Variants in RADIL observed in about 807,000 individuals in gnomAD.
RADIL encodes the protein ras-associating and dilute domain-containing protein.
A neutral mutation model predicts 97.6 loss-of-function variants in RADIL; 99 were observed. The observed-to-expected ratio is 1.01, with a 90% CI of 0.86 to 1.20. The LOEUF is 1.20. Among genes scored for constraint, RADIL ranks in the 50% most tolerant of loss-of-function variants. The probability of loss-of-function intolerance (pLI) is 0.00; values close to 1 mark genes in which losing one functional copy is unlikely to be tolerated. For synonymous variants in RADIL, 803 were observed against 691.8 expected, an observed-to-expected ratio of 1.16 and a Z score of -2.52; for missense variants, 1,765 against 1,498.9, an observed-to-expected ratio of 1.18 and a Z score of -2.93.
intron 8 of RADIL, 107 bp downstream of exon 8, chr7:4,816,121 G>T: frequency 2.9e-6 from 3 of 1,047,468 alleles, no homozygotes; most frequent in Non-Finnish European, 4.3e-6. Context: ...GGAGCAGGAG[G>T]CCAAAAAGGG....
chr7:4,872,958 G>C lies in RADIL; in HGVS notation c.535+4647C>G, dbSNP rs2115047356. ...CAATGTGACTCTGTTTTTCTTTTGAGTCAGAGTCTCGCTCTGTCACCCAGG... is the reference window on the plus strand; with the variant it reads ...CAATGTGACTCTGTTTTTCTTTTGACTCAGAGTCTCGCTCTGTCACCCAGG... On this transcript the variant is annotated intron_variant, in intron 2 of 14. Transcript: ENST00000399583. This position sits in a 1 kb window ranked among gnomAD's most constrained non-coding sequence, Gnocchi z 5.8. Among the ~76,000 whole-genome samples the C allele has an allele frequency of 6.6e-6, 1 of 152,260 alleles. No homozygotes were observed. The highest frequency in any genetic ancestry group is 2.1e-4 in the South Asian group (1 of 4,826).
chr7:4,805,728 G>T lies in RADIL; in HGVS notation c.2140-12C>A. On this transcript the variant is annotated splice_polypyrimidine_tract_variant and intron_variant, in intron 9 of 14. Coordinates refer to ENST00000399583, the MANE Select transcript of RADIL (RefSeq NM_018059.5). ...GCTGTCCAGCTCATCTGGGTGACAA[G>T]AAGGAGCTCATGGTCACAGGTCTCT... 6.2e-7 allele frequency: 1 copy of T among 1,602,460 alleles called. No individual in the cohort carries two copies.
In RADIL at chr7:4,810,445, G is replaced by A. The variant is rs140963805; in HGVS notation, c.2140-4729C>T. 4.9e-4 allele frequency among the ~76,000 whole-genome samples: 75 copies of A among 152,292 alleles called. No individual in the cohort carries two copies. The East Asian group carries it at 8.7e-3, about 18-fold the overall frequency. On this transcript the variant is annotated intron_variant, in intron 9 of 14. Transcript: ENST00000399583. Reference sequence around the variant, plus strand: ...CGGCCTCCCAAAGTGCCCAGCCGACGGTTCAGGTGTGTCCGTGTCTCCCAG... The same window carrying A: ...CGGCCTCCCAAAGTGCCCAGCCGACAGTTCAGGTGTGTCCGTGTCTCCCAG...
Position 4,815,144 on chromosome 7 carries a change from A to T in RADIL, c.2139+134T>A, listed in dbSNP as rs995064708. The T allele has an allele frequency of 2.3e-5, 26 of 1,144,974 alleles. No homozygotes were observed. The highest frequency in any genetic ancestry group is 2.1e-5 in the Non-Finnish European group (18 of 838,206). The allele number at this position is 1,144,974 out of a possible 1,614,324, so 70.9% of individuals were successfully genotyped here. On this transcript the variant is annotated intron_variant, in intron 9 of 14. Coordinates refer to ENST00000399583, the MANE Select transcript of RADIL (RefSeq NM_018059.5). The surrounding 1 kb of genome is among the most constrained non-coding windows in gnomAD (Gnocchi z 8.0). ...CCATGGAATGGAAGCAACTTTTCTG[A>T]TTACCTACGGTAGCTTTGAGGTTTC...
rs779044636 is a variant in RADIL at position 4,835,063 on chromosome 7, G to T, written c.960C>A (p.Ile320=). Residue 320 remains isoleucine (I), a synonymous_variant, in exon 4 of 15, where the codon ATC becomes ATA. Coordinates refer to ENST00000399583, the MANE Select transcript of RADIL (RefSeq NM_018059.5). The surrounding 1 kb of genome is among the most constrained non-coding windows in gnomAD (Gnocchi z 5.8). ...AGTTGACGGAGATGTGCGCCCCGGG[G>T]ATGGGCTCCAGGACCAGCCTCCCCG... ...QAAGRLVLEP[I]PGAHISVNFS... The T allele has an allele frequency of 6.2e-7, 1 of 1,608,168 alleles. No individual in the cohort carries two copies. The highest frequency in any genetic ancestry group is 8.5e-7 in the Non-Finnish European group (1 of 1,177,874).
chr7:4,845,547 T>C (rs1304820103), intron 2 of RADIL, among the ~76,000 whole-genome samples: 2 of 152,230 alleles, frequency 1.3e-5, no homozygotes, highest in African/African-American at 2.4e-5. Flanking sequence ...ACCAAAGCGT[T>C]GAAAATGATT....
intron 2 of RADIL, among the ~76,000 whole-genome samples, chr7:4,841,903 A>G (rs2115010441): frequency 6.6e-6 from 1 of 152,226 alleles, no homozygotes; most frequent in East Asian, 1.9e-4. Flanking sequence ...AAAAAATACA[A>G]AAATTAGCTG....
rs765900345 is a variant in RADIL at position 4,835,166 on chromosome 7, A to G, written c.857T>C (p.Ile286Thr). The G allele has an allele frequency of 3.7e-6, 6 of 1,611,760 alleles. No individual in the cohort carries two copies. Among genetic ancestry groups the G allele is most frequent in the Non-Finnish European group, 5.1e-6 (6 of 1,179,532 alleles). Residue 286 changes from isoleucine to threonine, a missense_variant, in exon 4 of 15, where the codon ATC becomes ACC. Physicochemically the swap from Ile to Thr is moderately conservative, Grantham distance 89. Transcript: ENST00000399583. This position sits in a 1 kb window ranked among gnomAD's most constrained non-coding sequence, Gnocchi z 5.8. ...GQRTPSSKPS[I>T]SLSAPDILPL... is the part of the protein sequence containing the mutation. ...CAGGATGTCGGGGGCTGAGAGGCTGATGCTGGGCTTGCTGGAGGGGGTCCG... is the reference window on the plus strand; with the variant it reads ...CAGGATGTCGGGGGCTGAGAGGCTGGTGCTGGGCTTGCTGGAGGGGGTCCG...
rs11319065 is a variant in RADIL at position 4,842,055 on chromosome 7, CAAAAA to C, written c.536-5455_536-5451del. 6.9e-6 allele frequency among the ~76,000 whole-genome samples: 1 copy of C among 145,016 alleles called. No individual in the cohort carries two copies. The highest frequency in any genetic ancestry group is 1.5e-5 in the Non-Finnish European group (1 of 65,850). On this transcript the variant is annotated intron_variant, in intron 2 of 14. Coordinates refer to ENST00000399583, the MANE Select transcript of RADIL (RefSeq NM_018059.5). This position sits in a 1 kb window ranked among gnomAD's most constrained non-coding sequence, Gnocchi z 4.5. ...GGGCAACAGAGCAAGACCCTGTCTC[CAAAAA>C]AAAAAAAAGATGCAACAAGGCCAGA...
intron 11 of RADIL, 51 bp from the exon 12 acceptor site, chr7:4,802,046 C>A (rs979858955): frequency 2.1e-6 from 3 of 1,410,612 alleles, no homozygotes; most frequent in Non-Finnish European, 2.8e-6. Flanking sequence ...CAGGTGGACA[C>A]AGCACTCGGG....
At chr7:4,858,823 G>A (rs1783899378) in intron 2 of RADIL, 1 of 152,234 alleles carries the variant, frequency 6.6e-6, no homozygotes, top group African/African-American at 2.4e-5. Context: ...ATGGTTTAGA[G>A]AATATTATTC....
Position 4,801,694 on chromosome 7 carries a change from T to C in RADIL, c.2801A>G (p.Gln934Arg), listed in dbSNP as rs760959591. The change falls in exon 12 of 15, where the codon CAG becomes CGG. Residue 934 changes from glutamine (Q) to arginine (R), a missense_variant. Physicochemically the swap from Gln to Arg is conservative, Grantham distance 43 (BLOSUM62 1). Transcript: ENST00000399583. ...CCGGAGGCCGCTGAGTCCGTTCCTCTGCCTCTCTGGGAGCGCTTTTCCACA... is the reference window on the plus strand; with the variant it reads ...CCGGAGGCCGCTGAGTCCGTTCCTCCGCCTCTCTGGGAGCGCTTTTCCACA... ...GPCGKALPERQRNGLSGLRGA... is the reference protein window; with the variant it reads ...GPCGKALPERRRNGLSGLRGA... The C allele has an allele frequency of 1.9e-6, 3 of 1,609,104 alleles. No individual in the cohort carries two copies. The highest frequency in any genetic ancestry group is 1.1e-5 in the South Asian group (1 of 90,444).
At position 4,880,487 on chromosome 7, in the gene RADIL, C is replaced by T. The variant is rs1464436397; in HGVS notation, c.-64-2284G>A. On this transcript the variant is annotated intron_variant, in intron 1 of 14. Coordinates refer to ENST00000399583, the MANE Select transcript of RADIL (RefSeq NM_018059.5). The surrounding 1 kb of genome is among the most constrained non-coding windows in gnomAD (Gnocchi z 4.5). The stretch of plus-strand genomic sequence containing the variant: ...AAAGTGAGTACTTGGAATCACAGAA[C>T]AAAACCCCTCAAAGAGCCTCTCCAG... Among the ~76,000 whole-genome samples, 1 of 152,156 alleles carries T rather than the reference C, an allele frequency of 6.6e-6. No individual in the cohort carries two copies. The highest frequency in any genetic ancestry group is 1.5e-5 in the Non-Finnish European group (1 of 68,028).
chr7:4,833,096 T>C (rs1783193323), intron 4 of RADIL, among the ~76,000 whole-genome samples: 1 of 152,076 alleles, frequency 6.6e-6, no homozygotes, highest in Non-Finnish European at 1.5e-5. Flanking sequence ...TGAGCCCTGG[T>C]GTGCTGCAGG....
chr7:4,867,524 TA>T lies in RADIL; in HGVS notation c.535+10080del, dbSNP rs1257971612. Among the ~76,000 whole-genome samples, 2 of 152,120 alleles carry T rather than the reference TA, an allele frequency of 1.3e-5. No homozygotes were observed. The highest frequency in any genetic ancestry group is 2.9e-5 in the Non-Finnish European group (2 of 68,014). On this transcript the variant is annotated intron_variant, in intron 2 of 14. Coordinates refer to ENST00000399583, the MANE Select transcript of RADIL (RefSeq NM_018059.5). This position sits in a 1 kb window ranked among gnomAD's most constrained non-coding sequence, Gnocchi z 4.1. The stretch of plus-strand genomic sequence containing the variant: ...GGCCAGGTGTGGTGGCTCATGGCTG[TA>T]ATCCCAGCACTTTGGGAGGCTGAGG...
chr7:4,871,447 G>A (rs1218268936), intron 2 of RADIL, among the ~76,000 whole-genome samples: 2 of 152,238 alleles, frequency 1.3e-5, no homozygotes, highest in African/African-American at 4.8e-5. Context: ...GCTGTCATCG[G>A]GGAGGCCGAG....
In RADIL at chr7:4,873,543, G is replaced by T. The variant is rs181345940; in HGVS notation, c.535+4062C>A. On this transcript the variant is annotated intron_variant, in intron 2 of 14. Coordinates refer to ENST00000399583, the MANE Select transcript of RADIL (RefSeq NM_018059.5). The surrounding 1 kb of genome is among the most constrained non-coding windows in gnomAD (Gnocchi z 4.3). Reference sequence around the variant, plus strand: ...ATGCAGGAGCTGAAGGGGCCCTGGCGTGCGCTGGACCTCACTGGGCCTGCC... The same window carrying T: ...ATGCAGGAGCTGAAGGGGCCCTGGCTTGCGCTGGACCTCACTGGGCCTGCC... Among the ~76,000 whole-genome samples, 2 of 152,228 alleles carry T rather than the reference G, an allele frequency of 1.3e-5. No homozygotes were observed. Among genetic ancestry groups the T allele is most frequent in the African/African-American group, 4.8e-5 (2 of 41,460 alleles).
Position 4,854,328 on chromosome 7 carries a change from T to A in RADIL, c.536-17723A>T, listed in dbSNP as rs913086945. On this transcript the variant is annotated intron_variant, in intron 2 of 14. Coordinates refer to ENST00000399583, the MANE Select transcript of RADIL (RefSeq NM_018059.5). The surrounding 1 kb of genome is among the most constrained non-coding windows in gnomAD (Gnocchi z 5.1). ...CAATTCCAAACTGATGAGGGGGCATTAGGTGGGGTTTTCTGTTTGCTTTTG... is the reference window on the plus strand; with the variant it reads ...CAATTCCAAACTGATGAGGGGGCATAAGGTGGGGTTTTCTGTTTGCTTTTG... Among the ~76,000 whole-genome samples, 1 of 152,082 alleles carries A rather than the reference T, an allele frequency of 6.6e-6. No individual in the cohort carries two copies. The highest frequency in any genetic ancestry group is 2.4e-5 in the African/African-American group (1 of 41,418).
chr7:4,817,316 C>T lies in RADIL; in HGVS notation c.1651G>A (p.Ala551Thr). Residue 551 changes from alanine (A) to threonine (T), a missense_variant, in exon 7 of 15, where the codon GCC becomes ACC. By Grantham distance (58) the Ala-to-Thr change is moderately conservative. Transcript: ENST00000399583. The surrounding 1 kb of genome is among the most constrained non-coding windows in gnomAD (Gnocchi z 8.3). ...KESLFSCTLT[A>T]SEEAMAVLEE... ...AGCACCGCCATGGCCTCCTCGCTGG[C>T]CGTCAGCGTGCAGGAGAACAGCGAT... 2 of 1,612,492 alleles carry T rather than the reference C, an allele frequency of 1.2e-6. No individual in the cohort carries two copies. Among genetic ancestry groups the T allele is most frequent in the Non-Finnish European group, 1.7e-6 (2 of 1,179,716 alleles).
Sources: gnomAD v4.1 joint callset for allele counts (sites outside exome capture counted in the v4.1 genomes callset) on GRCh38, gnomAD v4.1.1 for gene constraint, Gnocchi (gnomAD v3.1) non-coding constraint, MANE v1.5 for transcripts, NCBI Gene and HGNC (gene_info 2026-07-23, HGNC 2026-07-21) for gene names.